The following AP1S1 variants were observed in gnomAD, a reference collection of about 807,000 sequenced individuals.
The protein encoded by AP1S1 is AP-1 complex subunit sigma-1A.
In AP1S1, 13 loss-of-function variants were observed where a neutral mutation model predicts 23.9. The ratio of observed to expected loss-of-function variants is 0.54; its 90% confidence interval spans 0.35 to 0.86. The LOEUF (loss-of-function observed/expected upper bound fraction) is 0.86, where lower values mean the gene tolerates loss of function less well. Among genes scored for constraint, AP1S1 ranks in the 40% least tolerant of loss-of-function variants. The pLI is 0.01. For missense variants in AP1S1, 119 were observed against 197.6 expected (o/e 0.60, Z 2.38); for synonymous variants, 84 against 77.7 (o/e 1.08, Z -0.43).
In AP1S1 at chr7:101,154,870, G is replaced by A. The variant is rs548204230; in HGVS notation, c.3+353G>A. 7 of 929,082 alleles carry A rather than the reference G, an allele frequency of 7.5e-6. No homozygotes were observed. In the Admixed American group the frequency reaches 2.5e-4, roughly 34 times the overall value. The allele number at this position is 929,082 out of a possible 1,614,324, so 57.6% of individuals were successfully genotyped here. A position where few individuals can be genotyped will look rare whatever the true frequency, so the allele number is the denominator to read the frequency against. On this transcript the variant is annotated intron_variant, in intron 1 of 4. Coordinates refer to ENST00000337619, the MANE Select transcript of AP1S1 (RefSeq NM_001283.5). Reference sequence around the variant, plus strand: ...TTGCGGGAGTCTCTTTGCTGAGGGAGGGAGCGGGGGTCACCAGTCACCGAG... The same window carrying A: ...TTGCGGGAGTCTCTTTGCTGAGGGAAGGAGCGGGGGTCACCAGTCACCGAG...
At chr7:101,158,293 C>G (rs936582922) in intron 3 of AP1S1, among the ~76,000 whole-genome samples, 1 of 152,196 alleles carries the variant, frequency 6.6e-6, no homozygotes, top group African/African-American at 2.4e-5. Context: ...CTCGTTTGCT[C>G]CTTATCCCAT....
At chr7:101,160,129 C>T (rs1420638148) in intron 4 of AP1S1, among the ~76,000 whole-genome samples, 1 of 151,792 alleles carries the variant, frequency 6.6e-6, no homozygotes. Context: ...CTGCCTTTTC[C>T]CCACTCTGAA....
chr7:101,160,432 C>CT (rs1797078100), intron 4 of AP1S1, 87 bp from the exon 5 acceptor site: 10 of 1,498,098 alleles, frequency 6.7e-6, no homozygotes, highest in Non-Finnish European at 9.2e-6. Context: ...CCTCCCCCGT[C>CT]TGACTCTTCC....
chr7:101,159,258 C>G, intron 4 of AP1S1, 62 bp downstream of exon 4: 1 of 1,546,958 alleles, frequency 6.5e-7, no homozygotes, highest in Non-Finnish European at 8.7e-7. Context: ...GGTCCTCCCT[C>G]CCCTGGACAC....
chr7:101,160,482 G>C lies in AP1S1; in HGVS notation c.430-37G>C, dbSNP rs531405836. 3.7e-5 allele frequency: 60 copies of C among 1,607,648 alleles called. 2 individuals are homozygous for C. In the South Asian group the frequency reaches 4.5e-4, roughly 12 times the overall value. On this transcript the variant is annotated intron_variant, in intron 4 of 4. Transcript: ENST00000337619. Reference sequence around the variant, plus strand: ...TTGCCCACCCTGTCGGCCTCTCCTGGTGTCTCTGCGTCACCCTCTGTCTGT... The same window carrying C: ...TTGCCCACCCTGTCGGCCTCTCCTGCTGTCTCTGCGTCACCCTCTGTCTGT...
chr7:101,154,701 A>AG (rs1796962697), intron 1 of AP1S1, 184 bp downstream of exon 1: 1 of 25,266 alleles, frequency 4.0e-5, no homozygotes, highest in African/African-American at 5.0e-4. Context: ...CATTCGGGAG[A>AG]GGGGCGGGGA....
chr7:101,160,572 G>T lies in AP1S1; in HGVS notation c.*6G>T. 6.2e-7 allele frequency: 1 copy of T among 1,611,116 alleles called. No individual in the cohort carries two copies. ...AGGAGATGGGTTTGGCATAGCCCCTGCTGGGCCGGGGTGTGGCGATGGGGT... is the reference window on the plus strand; with the variant it reads ...AGGAGATGGGTTTGGCATAGCCCCTTCTGGGCCGGGGTGTGGCGATGGGGT... On this transcript the variant is annotated 3_prime_UTR_variant, in exon 5 of 5. Coordinates refer to ENST00000337619, the MANE Select transcript of AP1S1 (RefSeq NM_001283.5).
intron 1 of AP1S1, chr7:101,156,301 C>A: frequency 3.6e-6 from 1 of 281,262 alleles, no homozygotes; most frequent in Non-Finnish European, 6.7e-6. Context: ...TATATCAAAT[C>A]ATTTAGTCTC....
chr7:101,159,026 C>T (rs1382314330), intron 3 of AP1S1, 33 bp from the exon 4 acceptor site: 1 of 1,608,274 alleles, frequency 6.2e-7, no homozygotes, highest in Admixed American at 1.7e-5. Flanking sequence ...GTTGCCCCTC[C>T]ATGCTCAACT....
intron 3 of AP1S1, among the ~76,000 whole-genome samples, chr7:101,157,990 A>G (rs1797021337): frequency 6.6e-6 from 1 of 151,758 alleles, no homozygotes; most frequent in African/African-American, 2.4e-5. Flanking sequence ...AGGTCTTGCT[A>G]TGTTGCCCAG....
At chr7:101,155,097 G>A in intron 1 of AP1S1, 1 of 902,824 alleles carries the variant, frequency 1.1e-6, no homozygotes, top group Non-Finnish European at 1.3e-6. Context: ...GGGCTCCGGG[G>A]CTCTCTGCCC....
intron 4 of AP1S1, 107 bp downstream of exon 4, chr7:101,159,303 C>A: frequency 6.7e-7 from 1 of 1,483,230 alleles, no homozygotes; most frequent in South Asian, 1.3e-5. Flanking sequence ...CAAGGAGCCC[C>A]CCCTCCCTGT....
At chr7:101,156,524 G>A in intron 1 of AP1S1, 70 bp from the exon 2 acceptor site, 2 of 1,510,436 alleles carry the variant, frequency 1.3e-6, no homozygotes, top group Non-Finnish European at 9.0e-7. Flanking sequence ...AGAAAGTAGA[G>A]AAGAATTAGC....
intron 4 of AP1S1, 131 bp downstream of exon 4, chr7:101,159,327 C>A: frequency 1.5e-6 from 2 of 1,331,022 alleles, no homozygotes; most frequent in Non-Finnish European, 2.0e-6. Flanking sequence ...ATCTGACCCC[C>A]ACCACGCCCA....
chr7:101,154,621 C>T (rs532184836), intron 1 of AP1S1, 104 bp downstream of exon 1: 2 of 1,438,966 alleles, frequency 1.4e-6, no homozygotes, highest in Admixed American at 4.3e-5. Flanking sequence ...TGTCTTCCCT[C>T]TGGTCCTCAG....
intron 4 of AP1S1, among the ~76,000 whole-genome samples, chr7:101,160,007 C>CACAT (rs1271230933): frequency 2.9e-5 from 2 of 69,244 alleles, no homozygotes; most frequent in Non-Finnish European, 8.3e-5. Flanking sequence ...CACACACACA[C>CACAT]ATGCCCTGGC....
chr7:101,160,605 G>A lies in AP1S1; in HGVS notation c.*39G>A, dbSNP rs1468810197. 1 of 1,604,712 alleles carries A rather than the reference G, an allele frequency of 6.2e-7. No homozygotes were observed. The highest frequency in any genetic ancestry group is 2.2e-5 in the East Asian group (1 of 44,826). ...GGGGTGTGGCGATGGGGTCCTGGCA[G>A]CGTGGCGGGAACGGCTGCTTCTCCT... On this transcript the variant is annotated 3_prime_UTR_variant, in exon 5 of 5. Transcript: ENST00000337619.
chr7:101,155,669 G>A (rs1162892166), intron 1 of AP1S1, among the ~76,000 whole-genome samples: 1 of 152,230 alleles, frequency 6.6e-6, no homozygotes, highest in Non-Finnish European at 1.5e-5. Context: ...CTACAGAGGA[G>A]GATACCCCTG....
intron 1 of AP1S1, 160 bp downstream of exon 1, chr7:101,154,677 A>T: frequency 4.9e-6 from 2 of 411,802 alleles, no homozygotes; most frequent in Non-Finnish European, 6.4e-6. Context: ...CTCGGGAGGA[A>T]GAGGGGGAGG....
Sources: gnomAD v4.1 joint callset for allele counts (sites outside exome capture counted in the v4.1 genomes callset) on GRCh38, gnomAD v4.1.1 for gene constraint, MANE v1.5 for transcripts, NCBI Gene and HGNC (gene_info 2026-07-23, HGNC 2026-07-21) for gene names.